Variants in RIMS4 observed in about 807,000 individuals in gnomAD.
RIMS4 encodes the protein regulating synaptic membrane exocytosis 4, also known as regulating synaptic membrane exocytosis protein 4.
In RIMS4, 9 loss-of-function variants were observed where a neutral mutation model predicts 29.0. That is an observed-to-expected ratio of 0.31 (90% CI 0.19 to 0.54). The LOEUF is 0.54. Ranked by LOEUF, RIMS4 falls within the 20% of genes least tolerant of loss-of-function variation. The pLI, the probability that RIMS4 is intolerant of heterozygous loss-of-function variation, is 0.94. For missense variants in RIMS4, 193 were observed against 365.7 expected (o/e 0.53, Z 3.85); for synonymous variants, 130 against 152.9 (o/e 0.85, Z 1.10).
intron 1 of RIMS4, among the ~76,000 whole-genome samples, chr20:44,778,855 C>T (rs2066171674): frequency 2.0e-5 from 3 of 152,160 alleles, no homozygotes; most frequent in African/African-American, 7.2e-5. Context: ...GAGAAAGTTA[C>T]TCAACCTCTC....
chr20:44,772,838 G>A (rs148108338), intron 1 of RIMS4, among the ~76,000 whole-genome samples: 4 of 152,216 alleles, frequency 2.6e-5, no homozygotes, highest in African/African-American at 7.2e-5. Context: ...CTGGGCCTGC[G>A]TACAGGAGCA....
At chr20:44,787,452 C>T (rs1256031921) in intron 1 of RIMS4, among the ~76,000 whole-genome samples, 1 of 152,054 alleles carries the variant, frequency 6.6e-6, no homozygotes, top group African/African-American at 2.4e-5. Flanking sequence ...TATATTATAC[C>T]CATTTTATAG....
At chr20:44,799,419 C>T (rs932801413) in intron 1 of RIMS4, among the ~76,000 whole-genome samples, 23 of 152,160 alleles carry the variant, frequency 1.5e-4, no homozygotes, top group Admixed American at 4.6e-4. Context: ...AAGCTGGGCA[C>T]AAATGGTAAG....
intron 1 of RIMS4, among the ~76,000 whole-genome samples, chr20:44,805,969 T>A (rs944121190): frequency 6.6e-6 from 1 of 152,130 alleles, no homozygotes; most frequent in Non-Finnish European, 1.5e-5. Context: ...GTGGTACTAG[T>A]TTTTGGATCC....
At chr20:44,781,880 A>G (rs901950499) in intron 1 of RIMS4, among the ~76,000 whole-genome samples, 1 of 152,348 alleles carries the variant, frequency 6.6e-6, no homozygotes, top group East Asian at 1.9e-4. Context: ...CAATCCACAC[A>G]GCATTCAAGA....
intron 1 of RIMS4, among the ~76,000 whole-genome samples, chr20:44,782,370 T>C (rs1178950321): frequency 6.6e-6 from 1 of 152,188 alleles, no homozygotes; most frequent in African/African-American, 2.4e-5. Flanking sequence ...GTTCAAGTGA[T>C]TCTCCTGCCT....
chr20:44,754,971 A>C lies in RIMS4; in HGVS notation c.*1163T>G, dbSNP rs1266945825. Reference sequence around the variant, plus strand: ...AGGCCCCAGGGAGGGCTGGGCTGGGAAGGCAGCTACCCAGGCCTGCTGGAA... The same window carrying C: ...AGGCCCCAGGGAGGGCTGGGCTGGGCAGGCAGCTACCCAGGCCTGCTGGAA... On this transcript the variant is annotated 3_prime_UTR_variant, in exon 6 of 6. Coordinates refer to ENST00000372851, the MANE Select transcript of RIMS4 (RefSeq NM_182970.4). 1.3e-5 allele frequency: 2 copies of C among 152,598 alleles called. No homozygotes were observed. The highest frequency in any genetic ancestry group is 2.9e-5 in the Non-Finnish European group (2 of 68,038). The allele number at this position is 152,598 out of a possible 1,614,324, so 9.5% of individuals were successfully genotyped here.
chr20:44,778,385 TAGAATTC>T (rs2066169669), intron 1 of RIMS4, among the ~76,000 whole-genome samples: 1 of 152,302 alleles, frequency 6.6e-6, no homozygotes, highest in African/African-American at 2.4e-5. Context: ...ATGTTGGTAT[TAGAATTC>T]AGGCTGGGTA....
intron 2 of RIMS4, among the ~76,000 whole-genome samples, chr20:44,766,443 G>A (rs907005263): frequency 6.6e-6 from 1 of 152,152 alleles, no homozygotes; most frequent in Non-Finnish European, 1.5e-5. Flanking sequence ...TCAGGGTGGT[G>A]GAGTCCCCAC....
At chr20:44,762,719 T>G (rs2066091422) in intron 2 of RIMS4, among the ~76,000 whole-genome samples, 1 of 152,304 alleles carries the variant, frequency 6.6e-6, no homozygotes, top group South Asian at 2.1e-4. Flanking sequence ...GAATAGGTTA[T>G]CACGTCCTCC....
chr20:44,777,311 T>G lies in RIMS4; in HGVS notation c.98-5898A>C, dbSNP rs189432351. Among the ~76,000 whole-genome samples the G allele has an allele frequency of 3.3e-5, 5 of 152,354 alleles. No homozygotes were observed. The East Asian group carries it at 9.6e-4, about 29-fold the overall frequency. On this transcript the variant is annotated intron_variant, in intron 1 of 5. Coordinates refer to ENST00000372851, the MANE Select transcript of RIMS4 (RefSeq NM_182970.4). ...TAAAGAAAACAAGTAGATGTCACTCTGCTGTTTATACTTGAATATGAATGT... is the reference window on the plus strand; with the variant it reads ...TAAAGAAAACAAGTAGATGTCACTCGGCTGTTTATACTTGAATATGAATGT...
At chr20:44,772,439 C>T (rs1277817533) in intron 1 of RIMS4, among the ~76,000 whole-genome samples, 1 of 152,200 alleles carries the variant, frequency 6.6e-6, no homozygotes, top group Non-Finnish European at 1.5e-5. Flanking sequence ...CATTGTAGAG[C>T]TCAACTAATA....
At chr20:44,776,339 C>T (rs1327737537) in intron 1 of RIMS4, among the ~76,000 whole-genome samples, 2 of 152,154 alleles carry the variant, frequency 1.3e-5, no homozygotes, top group African/African-American at 4.8e-5. Flanking sequence ...AGTTTTTGCA[C>T]CCAGGCATCC....
At chr20:44,774,156 A>G (rs1183527892) in intron 1 of RIMS4, among the ~76,000 whole-genome samples, 1 of 151,978 alleles carries the variant, frequency 6.6e-6, no homozygotes, top group Non-Finnish European at 1.5e-5. Context: ...ATGGCCCCCA[A>G]AGTGACTGTT....
chr20:44,783,579 G>A (rs772735774), intron 1 of RIMS4, among the ~76,000 whole-genome samples: 44 of 151,824 alleles, frequency 2.9e-4, no homozygotes, highest in Non-Finnish European at 4.3e-4. Context: ...AGCTGAGATG[G>A]CACCACTGCA....
chr20:44,773,702 C>A (rs1287961187), intron 1 of RIMS4, among the ~76,000 whole-genome samples: 1 of 152,160 alleles, frequency 6.6e-6, no homozygotes, highest in Admixed American at 6.5e-5. Flanking sequence ...CAGAGCTGTG[C>A]CTTGCATCTG....
intron 1 of RIMS4, among the ~76,000 whole-genome samples, chr20:44,786,114 C>T (rs1247161456): frequency 1.3e-5 from 2 of 152,226 alleles, no homozygotes; most frequent in African/African-American, 4.8e-5. Context: ...TGCCCTACAG[C>T]CCCCTTTGAG....
intron 1 of RIMS4, 103 bp from the exon 2 acceptor site, chr20:44,771,516 G>A: frequency 7.5e-7 from 1 of 1,327,858 alleles, no homozygotes; most frequent in South Asian, 1.4e-5. Context: ...GCTGGGGGCT[G>A]TCCAGCTTCA....
At position 44,754,460 on chromosome 20, in the gene RIMS4, AAAC is replaced by A. The variant is rs2066049411; in HGVS notation, c.*1671_*1673del. The A allele has an allele frequency of 2.6e-5, 4 of 156,528 alleles. No homozygotes were observed. The South Asian group carries it at 7.8e-4, about 31-fold the overall frequency. 9.7% of individuals were successfully genotyped at this position (156,528 alleles called of 1,614,324 possible). On this transcript the variant is annotated 3_prime_UTR_variant, in exon 6 of 6. Coordinates refer to ENST00000372851, the MANE Select transcript of RIMS4 (RefSeq NM_182970.4). ...AGGCAGCCTGGGTGTCCTCAGGAGA[AAAC>A]AACACCCTCTAATGGAGACCAGGCC...
Sources: allele counts gnomAD v4.1 joint callset (sites outside exome capture counted in the v4.1 genomes callset), GRCh38; gene constraint gnomAD v4.1.1; transcripts MANE v1.5; gene names NCBI Gene and HGNC (gene_info 2026-07-23, HGNC 2026-07-21).